Variants in EVC observed in about 807,000 individuals in gnomAD.
EVC encodes EvC ciliary complex subunit 1, also known as evC complex member EVC.
In EVC, 116 loss-of-function variants were observed where a neutral mutation model predicts 118.9. That is an observed-to-expected ratio of 0.98 (90% CI 0.84 to 1.14). The LOEUF (loss-of-function observed/expected upper bound fraction) is 1.14. Ranked by LOEUF, EVC falls within the 50% of genes most tolerant of loss-of-function variation. The pLI, the probability that EVC is intolerant of heterozygous loss-of-function variation, is 0.00. For missense variants in EVC, 1,401 were observed against 1,246.4 expected, an observed-to-expected ratio of 1.12 and a Z score of -1.87; for synonymous variants, 619 against 534.7, an observed-to-expected ratio of 1.16 and a Z score of -2.18.
chr4:5,792,679 G>A (rs60426319), intron 12 of EVC, among the ~76,000 whole-genome samples: 1 of 152,154 alleles, frequency 6.6e-6, no homozygotes, highest in East Asian at 1.9e-4. Context: ...CTATTGAAAA[G>A]CCAAAAGGAT....
At position 5,731,697 on chromosome 4, in the gene EVC, T is replaced by C. The variant is rs763891288; in HGVS notation, c.617+40T>C. On this transcript the variant is annotated intron_variant, in intron 4 of 20. Coordinates refer to ENST00000264956, the MANE Select transcript of EVC (RefSeq NM_153717.3). This position sits in a 1 kb window ranked among gnomAD's most constrained non-coding sequence, Gnocchi z 5.6. ...CAATGGAGGATGAGGCTTCCAGTCC[T>C]CTTGGAGTGGGCCGGGAGTCACATC... 6.4e-7 allele frequency: 1 copy of C among 1,558,582 alleles called. No individual in the cohort carries two copies. The highest frequency in any genetic ancestry group is 2.3e-5 in the East Asian group (1 of 43,588).
In EVC at chr4:5,749,673, C is replaced by T. The variant is rs1730052931; in HGVS notation, c.1098+1367C>T. Among the ~76,000 whole-genome samples the T allele has an allele frequency of 6.6e-6, 1 of 152,190 alleles. No individual in the cohort carries two copies. The highest frequency in any genetic ancestry group is 2.4e-5 in the African/African-American group (1 of 41,446). ...CTCATCCTGTGTGCGCCAGTGTGTA[C>T]TAGGGCCAGGGAACGAGCCCTCTGA... On this transcript the variant is annotated intron_variant, in intron 8 of 20. Coordinates refer to ENST00000264956, the MANE Select transcript of EVC (RefSeq NM_153717.3). The surrounding 1 kb of genome is among the most constrained non-coding windows in gnomAD (Gnocchi z 4.4).
At chr4:5,757,448 C>G (rs1368129651) in intron 11 of EVC, among the ~76,000 whole-genome samples, 1 of 152,214 alleles carries the variant, frequency 6.6e-6, no homozygotes, top group Non-Finnish European at 1.5e-5. Context: ...CTCTGTTAAC[C>G]TGCTAGGGCT....
intron 13 of EVC, 72 bp from the exon 14 acceptor site, chr4:5,796,950 G>T: frequency 8.5e-7 from 1 of 1,178,186 alleles, no homozygotes; most frequent in African/African-American, 1.5e-5. Context: ...GGCTGTGGCT[G>T]TTTGGGGAGC....
chr4:5,752,367 A>G (rs2152073811), intron 8 of EVC, among the ~76,000 whole-genome samples: 1 of 152,150 alleles, frequency 6.6e-6, no homozygotes, highest in South Asian at 2.1e-4. Flanking sequence ...GAAGCCAATC[A>G]TTCCCCTGAA....
At chr4:5,730,585 C>T (rs1161044518) in intron 3 of EVC, among the ~76,000 whole-genome samples, 3 of 151,982 alleles carry the variant, frequency 2.0e-5, no homozygotes, top group African/African-American at 7.3e-5. Context: ...CCCTGGAGGC[C>T]CTCACTGCCT....
intron 3 of EVC, among the ~76,000 whole-genome samples, chr4:5,729,965 G>T (rs530758186): frequency 1.3e-5 from 2 of 152,306 alleles, no homozygotes; most frequent in East Asian, 3.9e-4. Flanking sequence ...GCGCTTCCAG[G>T]AGCCCTCAGC....
At chr4:5,770,963 G>C (rs1010115419) in intron 11 of EVC, among the ~76,000 whole-genome samples, 8 of 151,398 alleles carry the variant, frequency 5.3e-5, no homozygotes, top group African/African-American at 1.9e-4. Context: ...AGTGAGACGA[G>C]ATCGCACCAT....
intron 8 of EVC, among the ~76,000 whole-genome samples, chr4:5,750,918 A>G (rs1249615103): frequency 6.6e-6 from 1 of 152,162 alleles, no homozygotes; most frequent in African/African-American, 2.4e-5. Context: ...GAAGAGTTGG[A>G]ATTCCCAGGG....
rs938558613 is a variant in EVC at position 5,737,768 on chromosome 4, C to G, written c.703-3948C>G. On this transcript the variant is annotated intron_variant, in intron 5 of 20. Transcript: ENST00000264956. This position sits in a 1 kb window ranked among gnomAD's most constrained non-coding sequence, Gnocchi z 5.0. ...AAAATGTTACTGGTCATTTTCAAAACCCCTGGTCACCCGAGAGCTCTGATG... is the reference window on the plus strand; with the variant it reads ...AAAATGTTACTGGTCATTTTCAAAAGCCCTGGTCACCCGAGAGCTCTGATG... 6.6e-6 allele frequency among the ~76,000 whole-genome samples: 1 copy of G among 152,192 alleles called. No individual in the cohort carries two copies.
At chr4:5,745,392 T>TCC (rs756133108) in intron 7 of EVC, 51 bp downstream of exon 7, 1 of 1,583,930 alleles carries the variant, frequency 6.3e-7, no homozygotes, top group Non-Finnish European at 8.7e-7. Context: ...CCTAAAACAG[T>TCC]TAAATTGGCT....
In EVC at chr4:5,754,681, G is replaced by A. The variant is rs1456212948; in HGVS notation, c.1464+748G>A. Among the ~76,000 whole-genome samples, 1 of 152,100 alleles carries A rather than the reference G, an allele frequency of 6.6e-6. No individual in the cohort carries two copies. The highest frequency in any genetic ancestry group is 2.4e-5 in the African/African-American group (1 of 41,416). On this transcript the variant is annotated intron_variant, in intron 10 of 20. Coordinates refer to ENST00000264956, the MANE Select transcript of EVC (RefSeq NM_153717.3). This position sits in a 1 kb window ranked among gnomAD's most constrained non-coding sequence, Gnocchi z 5.8. The stretch of plus-strand genomic sequence containing the variant: ...TTGGGCGCTGAGGCCAGCCACACTT[G>A]GGTTTGGGTGCTGACTCTGCCACTA...
chr4:5,810,841 T>G (rs1716795068), intron 20 of EVC, 112 bp from the exon 21 acceptor site: 5 of 1,034,578 alleles, frequency 4.8e-6, no homozygotes, highest in Middle Eastern at 2.0e-4. Flanking sequence ...AAGTAAAAAT[T>G]GTTTTGATCA....
At chr4:5,753,458 C>A (rs902895655) in intron 9 of EVC, among the ~76,000 whole-genome samples, 3 of 151,870 alleles carry the variant, frequency 2.0e-5, no homozygotes, top group Admixed American at 1.3e-4. Flanking sequence ...CCCTGCTCAG[C>A]GGCAGAGTGG....
intron 11 of EVC, among the ~76,000 whole-genome samples, chr4:5,775,301 TTATTG>T (rs1215549991): frequency 6.6e-6 from 1 of 152,104 alleles, no homozygotes; most frequent in African/African-American, 2.4e-5. Context: ...TAACAAATGA[TTATTG>T]TAAAACATTT....
At chr4:5,747,993 C>A (rs983330602) in intron 7 of EVC, 155 bp from the exon 8 acceptor site, 16 of 850,420 alleles carry the variant, frequency 1.9e-5, no homozygotes, top group Non-Finnish European at 2.8e-5. Context: ...CACTGTAGAA[C>A]GTGATTGTTG....
Position 5,731,352 on chromosome 4 carries a change from G to A in EVC, c.385-73G>A, listed in dbSNP as rs1005612669. 1.3e-5 allele frequency: 16 copies of A among 1,271,050 alleles called. No homozygotes were observed. The highest frequency in any genetic ancestry group is 1.7e-5 in the Non-Finnish European group (15 of 868,052). 78.7% of individuals were successfully genotyped at this position (1,271,050 alleles called of 1,614,324 possible). On this transcript the variant is annotated intron_variant, in intron 3 of 20. Transcript: ENST00000264956. This position sits in a 1 kb window ranked among gnomAD's most constrained non-coding sequence, Gnocchi z 5.6. ...TGTGAGCGGCTAGCGTGAATCACTG[G>A]TAGAATTATGAATACTAGATCAAAT... is the stretch of plus-strand genomic sequence containing the variant.
At chr4:5,740,450 G>A (rs1728348276) in intron 5 of EVC, among the ~76,000 whole-genome samples, 2 of 135,662 alleles carry the variant, frequency 1.5e-5, no homozygotes, top group East Asian at 2.1e-4. Context: ...TAGCCTGGAC[G>A]ACAGACTGAT....
chr4:5,751,420 T>C (rs1730348217), intron 8 of EVC, among the ~76,000 whole-genome samples: 1 of 152,222 alleles, frequency 6.6e-6, no homozygotes, highest in Admixed American at 6.5e-5. Flanking sequence ...CTCAACATGC[T>C]CTTTAGAGGT....
Sources: gnomAD v4.1 joint callset for allele counts (sites outside exome capture counted in the v4.1 genomes callset) on GRCh38, gnomAD v4.1.1 for gene constraint, Gnocchi (gnomAD v3.1) non-coding constraint, MANE v1.5 for transcripts, NCBI Gene and HGNC (gene_info 2026-07-23, HGNC 2026-07-21) for gene names.